The following EPHA7 variants were observed in gnomAD, a reference collection of about 807,000 sequenced individuals.
EPHA7 encodes the protein EPH receptor A7.
A neutral mutation model predicts 112.6 loss-of-function variants in EPHA7; 25 were observed. The observed-to-expected ratio is 0.22, with a 90% CI of 0.16 to 0.31. The LOEUF (loss-of-function observed/expected upper bound fraction) is 0.31. Among genes scored for constraint, EPHA7 ranks in the 10% least tolerant of loss-of-function variants. The probability of loss-of-function intolerance (pLI) is 1.00; values close to 1 mark genes in which losing one functional copy is unlikely to be tolerated. For synonymous variants in EPHA7, 437 were observed against 406.5 expected, an observed-to-expected ratio of 1.07 and a Z score of -0.90; for missense variants, 962 against 1,212.6, an observed-to-expected ratio of 0.79 and a Z score of 3.07.
At chr6:93,346,707 G>C (rs905088179) in intron 5 of EPHA7, among the ~76,000 whole-genome samples, 2 of 151,534 alleles carry the variant, frequency 1.3e-5, no homozygotes, top group Non-Finnish European at 3.0e-5. Context: ...CTTGCTTTTT[G>C]TATTTTTCCC....
At chr6:93,379,280 C>T (rs752848007) in intron 3 of EPHA7, among the ~76,000 whole-genome samples, 6 of 152,032 alleles carry the variant, frequency 3.9e-5, no homozygotes, top group Non-Finnish European at 5.9e-5. Flanking sequence ...TCCTCCAAAA[C>T]ATAATTTTTC....
intron 5 of EPHA7, among the ~76,000 whole-genome samples, chr6:93,306,181 T>G (rs1773247866): frequency 6.6e-6 from 1 of 151,984 alleles, no homozygotes; most frequent in Non-Finnish European, 1.5e-5. Flanking sequence ...ACAATTTTTC[T>G]CTGCTTTTAT....
chr6:93,416,828 C>T (rs1779254765), intron 1 of EPHA7, among the ~76,000 whole-genome samples: 1 of 151,982 alleles, frequency 6.6e-6, no homozygotes, highest in South Asian at 2.1e-4. Context: ...CCTGACAGAC[C>T]CAGGCAACGA....
chr6:93,251,156 T>C (rs550964900), intron 14 of EPHA7, among the ~76,000 whole-genome samples: 3 of 152,064 alleles, frequency 2.0e-5, no homozygotes, highest in African/African-American at 7.2e-5. Context: ...ACTTCACTTA[T>C]GAGATTTTGG....
In EPHA7 at chr6:93,414,352, G is replaced by A. The variant is rs144093842; in HGVS notation, c.162+351C>T. Among the ~76,000 whole-genome samples, 354 of 151,944 alleles carry A rather than the reference G, an allele frequency of 2.3e-3. 2 individuals are homozygous for A. Among genetic ancestry groups the A allele is most frequent in the African/African-American group, 8.0e-3 (334 of 41,530 alleles). On this transcript the variant is annotated intron_variant, in intron 2 of 16. Transcript: ENST00000369303. Reference sequence around the variant, plus strand: ...TTAAAGAATTATATACCACTGACATGGTGATTATACTAGAAATATAAAGCA... The same window carrying A: ...TTAAAGAATTATATACCACTGACATAGTGATTATACTAGAAATATAAAGCA...
chr6:93,282,933 G>A (rs998776212), intron 5 of EPHA7, among the ~76,000 whole-genome samples: 8 of 152,168 alleles, frequency 5.3e-5, no homozygotes, highest in Non-Finnish European at 7.4e-5. Flanking sequence ...CCCGAGGAGC[G>A]CTGCCCCCTT....
chr6:93,388,943 G>GA (rs1397400564), intron 3 of EPHA7, among the ~76,000 whole-genome samples: 3 of 151,916 alleles, frequency 2.0e-5, no homozygotes, highest in Non-Finnish European at 4.4e-5. Context: ...AGAGTGAGTA[G>GA]AAAAAATAAT....
chr6:93,337,943 T>G (rs1774954865), intron 5 of EPHA7, among the ~76,000 whole-genome samples: 1 of 149,868 alleles, frequency 6.7e-6, no homozygotes, highest in Non-Finnish European at 1.5e-5. Context: ...AGAAATGGAG[T>G]GAGGATGGAG....
In EPHA7 at chr6:93,287,626, A is replaced by T. The variant is rs1338485813; in HGVS notation, c.1325-15204T>A. ...GGGGGTTTGTTGTACAGATTATTTC[A>T]TCACCAAGATATTAAGCCTAGTACC... On this transcript the variant is annotated intron_variant, in intron 5 of 16. Coordinates refer to ENST00000369303, the MANE Select transcript of EPHA7 (RefSeq NM_004440.4). Among the ~76,000 whole-genome samples the T allele has an allele frequency of 5.3e-5, 8 of 150,738 alleles. No individual in the cohort carries two copies. The Admixed American group carries it at 5.3e-4, about 10-fold the overall frequency.
chr6:93,374,101 TA>T (rs913731441), intron 3 of EPHA7, among the ~76,000 whole-genome samples: 3 of 152,096 alleles, frequency 2.0e-5, no homozygotes, highest in South Asian at 2.1e-4. Flanking sequence ...CCAGAGCTTT[TA>T]AAAAAAATAT....
At chr6:93,254,841 ATATAT>A (rs768772492) in intron 13 of EPHA7, 45 bp from the exon 14 acceptor site, 9 of 1,517,800 alleles carry the variant, frequency 5.9e-6, no homozygotes, top group African/African-American at 1.4e-5. Context: ...ATAATAACTG[ATATAT>A]TATTTATGGC....
At chr6:93,309,042 G>C (rs1294641326) in intron 5 of EPHA7, among the ~76,000 whole-genome samples, 1 of 151,812 alleles carries the variant, frequency 6.6e-6, no homozygotes, top group Non-Finnish European at 1.5e-5. Context: ...TCCACCTCCC[G>C]GGTTCAAGTG....
chr6:93,351,866 A>G (rs1218661411), intron 5 of EPHA7, among the ~76,000 whole-genome samples: 3 of 152,114 alleles, frequency 2.0e-5, no homozygotes, highest in Non-Finnish European at 4.4e-5. Context: ...ATTCTAATAA[A>G]TGTACCTGGA....
intron 5 of EPHA7, among the ~76,000 whole-genome samples, chr6:93,284,702 T>C (rs946890443): frequency 2.8e-4 from 43 of 152,212 alleles, no homozygotes; most frequent in South Asian, 6.2e-4. Context: ...TGCAGGGACA[T>C]GGATGACACT....
intron 5 of EPHA7, among the ~76,000 whole-genome samples, chr6:93,356,469 C>T (rs1775951836): frequency 6.6e-6 from 1 of 152,098 alleles, no homozygotes; most frequent in Non-Finnish European, 1.5e-5. Flanking sequence ...TCCCAAAATG[C>T]TGGGATTACA....
chr6:93,290,246 G>T (rs1412306315), intron 5 of EPHA7, among the ~76,000 whole-genome samples: 2 of 151,602 alleles, frequency 1.3e-5, no homozygotes, highest in Admixed American at 1.3e-4. Context: ...AACATATTTT[G>T]GTAATTCTCT....
At chr6:93,387,413 A>G (rs1777663396) in intron 3 of EPHA7, among the ~76,000 whole-genome samples, 1 of 152,210 alleles carries the variant, frequency 6.6e-6, no homozygotes, top group South Asian at 2.1e-4. Context: ...GTCTCTAGGA[A>G]ATTCCCAACT....
chr6:93,317,935 T>A (rs1171442966), intron 5 of EPHA7, among the ~76,000 whole-genome samples: 1 of 152,214 alleles, frequency 6.6e-6, no homozygotes, highest in Admixed American at 6.5e-5. Context: ...CCAGTAATCA[T>A]AACTTTCATT....
intron 9 of EPHA7, among the ~76,000 whole-genome samples, chr6:93,262,305 G>A (rs1455339669): frequency 6.6e-6 from 1 of 151,376 alleles, no homozygotes; most frequent in Non-Finnish European, 1.5e-5. Flanking sequence ...TCTTCACTGA[G>A]GCTTGTCGCA....
Sources: allele counts gnomAD v4.1 joint callset (sites outside exome capture counted in the v4.1 genomes callset), GRCh38; gene constraint gnomAD v4.1.1; transcripts MANE v1.5; gene names NCBI Gene and HGNC (gene_info 2026-07-23, HGNC 2026-07-21).